The following PDE7B variants were observed in gnomAD, a reference collection of about 807,000 sequenced individuals.
The protein encoded by PDE7B is phosphodiesterase 7B.
PDE7B carries 29 observed loss-of-function variants against 56.2 expected under a neutral mutation model. The ratio of observed to expected loss-of-function variants is 0.52; its 90% CI spans 0.38 to 0.70. PDE7B has a LOEUF of 0.70. PDE7B is among the 30% of genes least tolerant of loss of function. The pLI, the probability that PDE7B is intolerant of heterozygous loss-of-function variation, is 0.00. For missense variants in PDE7B, 490 were observed against 565.0 expected, an observed-to-expected ratio of 0.87 and a Z score of 1.35; for synonymous variants, 197 against 196.9, an observed-to-expected ratio of 1.00 and a Z score of 0.00.
In PDE7B at chr6:136,194,623, T is replaced by A. The variant is rs1583938536; in HGVS notation, c.*2783T>A. 1 of 152,232 alleles carries A rather than the reference T, an allele frequency of 6.6e-6. No individual in the cohort carries two copies. The highest frequency in any genetic ancestry group is 2.4e-5 in the African/African-American group (1 of 41,452). The allele number at this position is 152,232 out of a possible 1,614,324, so 9.4% of individuals were successfully genotyped here. A position where few individuals can be genotyped will look rare whatever the true frequency, so the allele number is the denominator to read the frequency against. ...TAGTTAAAACACTGGCGGGGTGCGGTGGCTCACGCCTGTAATCCTAGCACT... is the reference window on the plus strand; with the variant it reads ...TAGTTAAAACACTGGCGGGGTGCGGAGGCTCACGCCTGTAATCCTAGCACT... On this transcript the variant is annotated 3_prime_UTR_variant, in exon 13 of 13. Coordinates refer to ENST00000308191, the MANE Select transcript of PDE7B (RefSeq NM_018945.4).
intron 2 of PDE7B, among the ~76,000 whole-genome samples, chr6:135,962,629 C>T (rs1774921777): frequency 6.6e-6 from 1 of 152,006 alleles, no homozygotes; most frequent in Non-Finnish European, 1.5e-5. Context: ...TTACTAAAAC[C>T]TACATCTCCC....
At chr6:136,174,753 G>A (rs888054004) in intron 9 of PDE7B, among the ~76,000 whole-genome samples, 1 of 152,142 alleles carries the variant, frequency 6.6e-6, no homozygotes. Context: ...TTGATCTCAT[G>A]CTGTTTCCTA....
At chr6:136,058,454 T>C (rs1776777193) in intron 2 of PDE7B, among the ~76,000 whole-genome samples, 1 of 152,188 alleles carries the variant, frequency 6.6e-6, no homozygotes, top group Non-Finnish European at 1.5e-5. Context: ...CCAGTGTCTA[T>C]TTCCTGGGAA....
At chr6:135,929,960 G>A (rs1465792392) in intron 1 of PDE7B, among the ~76,000 whole-genome samples, 1 of 152,228 alleles carries the variant, frequency 6.6e-6, no homozygotes, top group Non-Finnish European at 1.5e-5. Context: ...GCAAGAGCCA[G>A]AGCTGAAGGC....
At chr6:136,177,827 T>C (rs1365479379) in intron 9 of PDE7B, among the ~76,000 whole-genome samples, 1 of 152,222 alleles carries the variant, frequency 6.6e-6, no homozygotes, top group Non-Finnish European at 1.5e-5. Flanking sequence ...GAATATTTAC[T>C]GTGGCTTTTT....
chr6:136,082,987 T>G (rs760273147), intron 2 of PDE7B, among the ~76,000 whole-genome samples: 3 of 152,148 alleles, frequency 2.0e-5, no homozygotes, highest in Non-Finnish European at 4.4e-5. Context: ...GAGGAATTGG[T>G]TTAAAAGGTT....
chr6:135,994,344 T>C (rs1386847205), intron 2 of PDE7B, among the ~76,000 whole-genome samples: 1 of 152,158 alleles, frequency 6.6e-6, no homozygotes, highest in African/African-American at 2.4e-5. Flanking sequence ...CACAGTTATA[T>C]TACTAGAGGT....
At chr6:136,018,882 G>A (rs1188620209) in intron 2 of PDE7B, among the ~76,000 whole-genome samples, 1 of 151,772 alleles carries the variant, frequency 6.6e-6, no homozygotes, top group East Asian at 1.9e-4. Context: ...TCCTAAATAT[G>A]GGCTTAGCCT....
intron 2 of PDE7B, among the ~76,000 whole-genome samples, chr6:135,983,504 C>T (rs559311862): frequency 1.3e-5 from 2 of 152,256 alleles, no homozygotes; most frequent in African/African-American, 2.4e-5. Flanking sequence ...TACTTGAATC[C>T]TTAGTGTTGT....
At chr6:136,092,870 G>A (rs1562491069) in intron 2 of PDE7B, among the ~76,000 whole-genome samples, 1 of 152,130 alleles carries the variant, frequency 6.6e-6, no homozygotes, top group Non-Finnish European at 1.5e-5. Flanking sequence ...TGTACAGAAT[G>A]GTGACTATAG....
At chr6:135,966,941 C>G (rs1775005952) in intron 2 of PDE7B, among the ~76,000 whole-genome samples, 1 of 152,214 alleles carries the variant, frequency 6.6e-6, no homozygotes, top group East Asian at 1.9e-4. Flanking sequence ...ATGAGTGTGG[C>G]CCCATCTCCC....
chr6:135,990,345 C>T (rs1244091500), intron 2 of PDE7B, among the ~76,000 whole-genome samples: 1 of 152,138 alleles, frequency 6.6e-6, no homozygotes, highest in Non-Finnish European at 1.5e-5. Context: ...ATCTGCCTGC[C>T]TCATTCCCCC....
intron 2 of PDE7B, among the ~76,000 whole-genome samples, chr6:135,964,987 C>G (rs1327724688): frequency 1.3e-5 from 2 of 152,050 alleles, no homozygotes; most frequent in Admixed American, 1.3e-4. Flanking sequence ...ACTAAAAATG[C>G]AAAATTAGCT....
chr6:135,889,406 A>G (rs1053216069), intron 1 of PDE7B, among the ~76,000 whole-genome samples: 2 of 151,164 alleles, frequency 1.3e-5, no homozygotes, highest in African/African-American at 2.4e-5. Context: ...CTGGGATTAC[A>G]GGTGTGAGCC....
intron 2 of PDE7B, among the ~76,000 whole-genome samples, chr6:136,055,351 T>C (rs1011243525): frequency 5.3e-5 from 8 of 152,360 alleles, no homozygotes; most frequent in Non-Finnish European, 8.8e-5. Flanking sequence ...CTTGAAAGTA[T>C]TCTTTACTTC....
intron 2 of PDE7B, among the ~76,000 whole-genome samples, chr6:136,010,629 G>GT (rs1181459315): frequency 1.3e-5 from 2 of 151,678 alleles, no homozygotes; most frequent in African/African-American, 2.4e-5. Context: ...ATTTTTGCTT[G>GT]TTTTTTTCTT....
At chr6:136,015,561 A>T (rs1775964709) in intron 2 of PDE7B, among the ~76,000 whole-genome samples, 1 of 152,228 alleles carries the variant, frequency 6.6e-6, no homozygotes, top group South Asian at 2.1e-4. Context: ...AAAATAAGAG[A>T]AAGGTTGGAA....
At chr6:135,873,071 C>T (rs576354182) in intron 1 of PDE7B, among the ~76,000 whole-genome samples, 38 of 152,052 alleles carry the variant, frequency 2.5e-4, no homozygotes, top group African/African-American at 8.9e-4. Context: ...TATACATGGA[C>T]GGTCCATGTA....
intron 2 of PDE7B, among the ~76,000 whole-genome samples, chr6:135,949,874 A>G (rs1774667361): frequency 6.6e-6 from 1 of 152,182 alleles, no homozygotes; most frequent in Non-Finnish European, 1.5e-5. Flanking sequence ...AGATAATATT[A>G]TGCTTAGTGA....
Sources: gnomAD v4.1 joint callset for allele counts (sites outside exome capture counted in the v4.1 genomes callset) on GRCh38, gnomAD v4.1.1 for gene constraint, MANE v1.5 for transcripts, NCBI Gene and HGNC (gene_info 2026-07-23, HGNC 2026-07-21) for gene names.